Variants in ARSG observed in about 807,000 individuals in gnomAD.
ARSG encodes the protein ASG.
Under a neutral mutation model 50.5 loss-of-function variants are expected in ARSG, and 37 were observed. The observed-to-expected ratio is 0.73, with a 90% CI of 0.56 to 0.96. The LOEUF (loss-of-function observed/expected upper bound fraction) is 0.96. Ranked by LOEUF, ARSG falls within the 50% of genes least tolerant of loss-of-function variation. The probability of loss-of-function intolerance (pLI) is 0.00; values close to 1 mark genes in which losing one functional copy is unlikely to be tolerated. For missense variants in ARSG, 629 were observed against 675.3 expected, an observed-to-expected ratio of 0.93 and a Z score of 0.76; for synonymous variants, 225 against 254.6, an observed-to-expected ratio of 0.88 and a Z score of 1.11.
intron 6 of ARSG, among the ~76,000 whole-genome samples, chr17:68,366,778 G>A (rs1482980286): frequency 1.3e-5 from 2 of 151,850 alleles, no homozygotes; most frequent in African/African-American, 4.8e-5. Flanking sequence ...CATTTTAAAT[G>A]TAAAGTTCTG....
At chr17:68,400,011 C>G (rs1255942915) in intron 10 of ARSG, 1 of 152,242 alleles carries the variant, frequency 6.6e-6, no homozygotes, top group Non-Finnish European at 1.5e-5. Context: ...GGGATTGTCA[C>G]GAGAACCTGG....
intron 8 of ARSG, among the ~76,000 whole-genome samples, chr17:68,376,276 C>CGTTT (rs149045241): frequency 0.34 from 45,225 of 131,300 alleles, 9,290 homozygotes; most frequent in Admixed American, 0.43. Flanking sequence ...GCGCCCCCTG[C>CGTTT]ATTTTTTTTT....
intron 1 of ARSG, chr17:68,278,114 G>C (rs782551003): frequency 1.2e-6 from 2 of 1,613,682 alleles, no homozygotes; most frequent in South Asian, 2.2e-5. Context: ...CAAACACACA[G>C]ATTGAGATTA....
chr17:68,344,784 C>T (rs1022036828), intron 3 of ARSG, among the ~76,000 whole-genome samples: 2 of 152,230 alleles, frequency 1.3e-5, no homozygotes, highest in African/African-American at 4.8e-5. Flanking sequence ...CTCCACTATA[C>T]AGGAAATTGC....
intron 2 of ARSG, among the ~76,000 whole-genome samples, chr17:68,326,696 A>G (rs1555772599): frequency 6.6e-6 from 1 of 152,210 alleles, no homozygotes; most frequent in Admixed American, 6.5e-5. Context: ...AGCAGAAAGT[A>G]AAAGCAACTC....
At chr17:68,397,172 T>G (rs563907765) in intron 10 of ARSG, among the ~76,000 whole-genome samples, 7 of 152,250 alleles carry the variant, frequency 4.6e-5, no homozygotes, top group African/African-American at 1.7e-4. Context: ...CCATCCTAAC[T>G]AGTGCCCAGC....
At chr17:68,372,778 T>G (rs1431533090) in intron 8 of ARSG, among the ~76,000 whole-genome samples, 1 of 151,656 alleles carries the variant, frequency 6.6e-6, no homozygotes, top group Non-Finnish European at 1.5e-5. Flanking sequence ...AGGTCTCCAC[T>G]AGCACTCCCG....
chr17:68,426,254 G>GGGGGGGGGGGGCCCCCCCCCCCC, downstream of ARSG: 1 of 816,924 alleles, frequency 1.2e-6, no homozygotes, highest in Non-Finnish European at 1.9e-6. Flanking sequence ...GGGAGCGGGG[G>GGGGGGGGGGGGCCCCCCCCCCCC]CTCAAATAAA....
the ARSG span, among the ~76,000 whole-genome samples, chr17:68,443,560 A>C: frequency 7.0e-6 from 1 of 142,194 alleles, no homozygotes; most frequent in African/African-American, 2.5e-5. Context: ...TCACTTTCAC[A>C]AACATTACCT....
the ARSG span, chr17:68,433,641 A>G: frequency 7.5e-7 from 1 of 1,330,196 alleles, no homozygotes; most frequent in Non-Finnish European, 1.1e-6. Context: ...TATAACTCAG[A>G]GATCAGCTTT....
chr17:68,283,105 T>C (rs2075749482), intron 1 of ARSG: 1 of 152,170 alleles, frequency 6.6e-6, no homozygotes, highest in South Asian at 2.1e-4. Context: ...CTTGCCTGAA[T>C]GACAGAGCAA....
At chr17:68,436,722 T>G in the ARSG span, among the ~76,000 whole-genome samples, 1 of 152,190 alleles carries the variant, frequency 6.6e-6, no homozygotes, top group Admixed American at 6.5e-5. Flanking sequence ...ACAATGAGAC[T>G]TGCCGGGCAC....
chr17:68,434,541 A>G, the ARSG span: 45 of 1,613,606 alleles, frequency 2.8e-5, no homozygotes, highest in Non-Finnish European at 3.6e-5. Context: ...AATGGGTTTG[A>G]CATTGAACAC....
chr17:68,412,990 C>G (rs1486339997), intron 11 of ARSG, among the ~76,000 whole-genome samples: 7 of 151,582 alleles, frequency 4.6e-5, no homozygotes, highest in African/African-American at 1.4e-4. Flanking sequence ...TTAAGCACTT[C>G]TCTGTATTGG....
At chr17:68,317,226 T>C (rs563934736) in intron 2 of ARSG, among the ~76,000 whole-genome samples, 63 of 152,252 alleles carry the variant, frequency 4.1e-4, no homozygotes, top group African/African-American at 1.3e-3. Flanking sequence ...CTAAACTCTA[T>C]TTACATGGAG....
At chr17:68,395,984 G>A (rs2081225739) in intron 10 of ARSG, among the ~76,000 whole-genome samples, 1 of 150,992 alleles carries the variant, frequency 6.6e-6, no homozygotes, top group Non-Finnish European at 1.5e-5. Context: ...AGAGGGCTCA[G>A]CACACTCTTG....
chr17:68,416,070 A>G (rs2082348264), intron 11 of ARSG, among the ~76,000 whole-genome samples: 1 of 152,036 alleles, frequency 6.6e-6, no homozygotes, highest in Admixed American at 6.6e-5. Flanking sequence ...TTTGTTGCCC[A>G]TGTGCCTTGG....
Position 68,264,051 on chromosome 17 carries a change from T to G in ARSG, c.-552+4625T>G, listed in dbSNP as rs150586235. ...TTTTGTATTTTTAGTAGAGACAGGATTTCACCATGTTGGCTAGGCTGGTCT... is the reference window on the plus strand; with the variant it reads ...TTTTGTATTTTTAGTAGAGACAGGAGTTCACCATGTTGGCTAGGCTGGTCT... On this transcript the variant is annotated intron_variant, in intron 1 of 11. Transcript: ENST00000448504. Among the ~76,000 whole-genome samples the G allele has an allele frequency of 2.6e-4, 39 of 152,154 alleles. No homozygotes were observed. The East Asian group carries it at 7.0e-3, about 27-fold the overall frequency.
At chr17:68,351,043 T>C (rs2078737947) in intron 4 of ARSG, among the ~76,000 whole-genome samples, 1 of 152,138 alleles carries the variant, frequency 6.6e-6, no homozygotes. Context: ...CCACCATCTC[T>C]ATCGGGGGTA....
Sources: allele counts gnomAD v4.1 joint callset (sites outside exome capture counted in the v4.1 genomes callset), GRCh38; gene constraint gnomAD v4.1.1; transcripts MANE v1.5; gene names NCBI Gene and HGNC (gene_info 2026-07-23, HGNC 2026-07-21).